SLIT2: variants seen among roughly 807,000 people sequenced by gnomAD.
SLIT2 encodes the protein slit guidance ligand 2.
A neutral mutation model predicts 185.7 loss-of-function variants in SLIT2; 41 were observed. The ratio of observed to expected loss-of-function variants is 0.22; its 90% CI spans 0.17 to 0.29. The LOEUF (loss-of-function observed/expected upper bound fraction) is 0.29, where lower values mean the gene tolerates loss of function less well. Ranked by LOEUF, SLIT2 falls within the 10% of genes least tolerant of loss-of-function variation. The pLI is 1.00. For missense variants in SLIT2, 1,571 were observed against 1,909.0 expected, an observed-to-expected ratio of 0.82 and a Z score of 3.30; for synonymous variants, 693 against 680.2, an observed-to-expected ratio of 1.02 and a Z score of -0.29.
intron 4 of SLIT2, among the ~76,000 whole-genome samples, chr4:20,428,897 A>G (rs559240603): frequency 6.6e-6 from 1 of 152,338 alleles, no homozygotes; most frequent in African/African-American, 2.4e-5. Flanking sequence ...TGGTCACTGC[A>G]GTTGTCAGTA....
At chr4:20,286,468 A>G (rs1016534134) in intron 4 of SLIT2, among the ~76,000 whole-genome samples, 59 of 151,980 alleles carry the variant, frequency 3.9e-4, no homozygotes, top group African/African-American at 1.4e-3. Flanking sequence ...TTCTTTATCT[A>G]TACAGTCCTC....
intron 33 of SLIT2, among the ~76,000 whole-genome samples, chr4:20,604,333 T>C (rs1343665914): frequency 1.3e-5 from 2 of 152,324 alleles, no homozygotes; most frequent in African/African-American, 2.4e-5. Context: ...TTTTGAAAAA[T>C]TCTTACAGGT....
intron 4 of SLIT2, among the ~76,000 whole-genome samples, chr4:20,270,171 G>A (rs16869445): frequency 1.3e-5 from 2 of 151,954 alleles, no homozygotes; most frequent in African/African-American, 4.8e-5. Context: ...AAAGATTATA[G>A]GTATGCATAT....
At chr4:20,597,519 T>C (rs910876646) in intron 32 of SLIT2, among the ~76,000 whole-genome samples, 1 of 152,218 alleles carries the variant, frequency 6.6e-6, no homozygotes, top group Admixed American at 6.5e-5. Context: ...TTAAAGATAA[T>C]AAATATAGTG....
At chr4:20,573,152 C>T (rs896024884) in intron 29 of SLIT2, 18 of 702,214 alleles carry the variant, frequency 2.6e-5, no homozygotes, top group African/African-American at 7.0e-5. Context: ...CTGTTGTGAA[C>T]GCTGCGCATT....
Position 20,381,149 on chromosome 4 carries a change from A to G in SLIT2, c.396-86603A>G, listed in dbSNP as rs140221596. 9.1e-4 allele frequency among the ~76,000 whole-genome samples: 139 copies of G among 152,222 alleles called. 1 individual carries two copies. Among genetic ancestry groups the G allele is most frequent in the African/African-American group, 3.1e-3 (129 of 41,552 alleles). On this transcript the variant is annotated intron_variant, in intron 4 of 36. Transcript: ENST00000504154. ...ACGCCTGTAATCGTAGCTACTCGAG[A>G]GGCTGATGCAAGAGAATCACTTGAA...
At position 20,388,116 on chromosome 4, in the gene SLIT2, G is replaced by A. The variant is rs11944520; in HGVS notation, c.396-79636G>A. ...GATAATATGACATCTATGAAAACCC[G>A]ACATAGAACATCATATTTGCTGGTA... On this transcript the variant is annotated intron_variant, in intron 4 of 36. Coordinates refer to ENST00000504154, the MANE Select transcript of SLIT2 (RefSeq NM_004787.4). Among the ~76,000 whole-genome samples, 89 of 152,112 alleles carry A rather than the reference G, an allele frequency of 5.9e-4. No homozygotes were observed. The South Asian group carries it at 0.015, about 25-fold the overall frequency.
At chr4:20,388,635 G>C (rs1474680477) in intron 4 of SLIT2, among the ~76,000 whole-genome samples, 1 of 151,600 alleles carries the variant, frequency 6.6e-6, no homozygotes, top group African/African-American at 2.4e-5. Context: ...TTAACCAGGC[G>C]TGGTGGCGTG....
chr4:20,364,234 G>T (rs1049299285), intron 4 of SLIT2: 1 of 981,164 alleles, frequency 1.0e-6, no homozygotes, highest in Admixed American at 6.2e-5. Context: ...ATGGAATAAT[G>T]CATCCACAAA....
intron 4 of SLIT2, among the ~76,000 whole-genome samples, chr4:20,304,302 ATAAGG>A (rs1479148869): frequency 6.6e-6 from 1 of 152,202 alleles, no homozygotes; most frequent in Non-Finnish European, 1.5e-5. Context: ...GAAGGAAAAA[ATAAGG>A]TAAGAGAGAA....
At chr4:20,285,524 A>G (rs546393423) in intron 4 of SLIT2, among the ~76,000 whole-genome samples, 4 of 152,078 alleles carry the variant, frequency 2.6e-5, no homozygotes, top group East Asian at 3.9e-4. Context: ...TGTAGGGCAA[A>G]TACATAGAAA....
intron 30 of SLIT2, 35 bp downstream of exon 30, chr4:20,589,772 G>T: frequency 6.7e-7 from 1 of 1,499,750 alleles, no homozygotes. Flanking sequence ...TCACAGTCAG[G>T]GTAGGGGACC....
intron 18 of SLIT2, among the ~76,000 whole-genome samples, chr4:20,535,498 T>C (rs1274877372): frequency 6.6e-6 from 1 of 151,984 alleles, no homozygotes; most frequent in Non-Finnish European, 1.5e-5. Context: ...GGGAAGTACC[T>C]TGGAGTGGGA....
intron 9 of SLIT2, among the ~76,000 whole-genome samples, chr4:20,505,896 A>T (rs1577806823): frequency 1.3e-5 from 2 of 152,204 alleles, no homozygotes; most frequent in Admixed American, 1.3e-4. Context: ...GTAATTAGAG[A>T]GCAAGAGAAA....
At chr4:20,402,428 T>C (rs1188505047) in intron 4 of SLIT2, among the ~76,000 whole-genome samples, 1 of 151,970 alleles carries the variant, frequency 6.6e-6, no homozygotes. Context: ...AATTCATCGC[T>C]TATTTAAAAA....
At chr4:20,440,856 A>G (rs1190252335) in intron 4 of SLIT2, among the ~76,000 whole-genome samples, 1 of 152,194 alleles carries the variant, frequency 6.6e-6, no homozygotes, top group Non-Finnish European at 1.5e-5. Flanking sequence ...ATAATTTTTA[A>G]GAGACTCACC....
At chr4:20,507,427 G>C (rs536432371) in intron 9 of SLIT2, among the ~76,000 whole-genome samples, 8 of 152,004 alleles carry the variant, frequency 5.3e-5, no homozygotes, top group Admixed American at 3.3e-4. Flanking sequence ...TATAGAATTA[G>C]TTTGGTCACA....
At chr4:20,351,249 A>C (rs764462997) in intron 4 of SLIT2, among the ~76,000 whole-genome samples, 2 of 151,982 alleles carry the variant, frequency 1.3e-5, no homozygotes, top group Non-Finnish European at 2.9e-5. Context: ...GAGTTTTGCC[A>C]TGTTGGCCAG....
Position 20,523,921 on chromosome 4 carries a change from G to T in SLIT2, c.1274+18G>T. The T allele has an allele frequency of 6.2e-7, 1 of 1,612,824 alleles. No homozygotes were observed. Among genetic ancestry groups the T allele is most frequent in the Non-Finnish European group, 8.5e-7 (1 of 1,178,930 alleles). On this transcript the variant is annotated intron_variant, in intron 13 of 36. Transcript: ENST00000504154. ...CAAACTATGTATGTATAAGTGATTT[G>T]GATCACTTTTGATGACATTGTTTCC...
Sources: gnomAD v4.1 joint callset for allele counts (sites outside exome capture counted in the v4.1 genomes callset) on GRCh38, gnomAD v4.1.1 for gene constraint, MANE v1.5 for transcripts, NCBI Gene and HGNC (gene_info 2026-07-23, HGNC 2026-07-21) for gene names.